KLF8: variants seen among roughly 807,000 people sequenced by gnomAD.
KLF8 encodes the protein KLF transcription factor 8.
KLF8 carries 10 observed loss-of-function variants against 18.2 expected under a neutral mutation model. The ratio of observed to expected loss-of-function variants is 0.55; its 90% confidence interval spans 0.34 to 0.93. The LOEUF is 0.93. Among genes scored for constraint, KLF8 ranks in the 40% least tolerant of loss-of-function variants. KLF8 has a pLI of 0.02. For synonymous variants in KLF8, 109 were observed against 97.3 expected (o/e 1.12, Z -0.71); for missense variants, 264 against 277.9 (o/e 0.95, Z 0.36).
At chrX:56,017,666 T>C in the KLF8 span, among the ~76,000 whole-genome samples, 1 of 111,782 alleles carries the variant, frequency 8.9e-6, no homozygotes, top group Non-Finnish European at 1.9e-5. Flanking sequence ...GATTGTGTCA[T>C]AATCTTAAGT....
intron 2 of KLF8, among the ~76,000 whole-genome samples, chrX:56,261,181 A>AT (rs1380022976): frequency 9.0e-6 from 1 of 111,477 alleles, no homozygotes; most frequent in African/African-American, 3.3e-5. Context: ...CTCTTTTTAT[A>AT]TTTTTTTGTC....
the KLF8 span, among the ~76,000 whole-genome samples, chrX:56,147,358 A>T: frequency 8.9e-6 from 1 of 112,157 alleles, no homozygotes; most frequent in African/African-American, 3.2e-5. Flanking sequence ...ATATTGTGGC[A>T]TCTTAAAAGG....
chrX:56,229,342 A>G (rs1173599647), upstream of KLF8, among the ~76,000 whole-genome samples: 1 of 112,208 alleles, frequency 8.9e-6, no homozygotes, highest in African/African-American at 3.2e-5. Context: ...ACTTGGATAT[A>G]TAGAGGAAAG....
the KLF8 span, among the ~76,000 whole-genome samples, chrX:55,968,331 A>G: frequency 8.9e-6 from 1 of 112,147 alleles, no homozygotes; most frequent in Non-Finnish European, 1.9e-5. Context: ...AAAAAATGCA[A>G]TAATTTGTTT....
the KLF8 span, among the ~76,000 whole-genome samples, chrX:56,076,262 G>A: frequency 1.0e-5 from 1 of 99,702 alleles, no homozygotes; most frequent in African/African-American, 3.8e-5. Flanking sequence ...CTAACATTAG[G>A]TATATCTCCC....
chrX:56,226,557 C>T, the KLF8 span, among the ~76,000 whole-genome samples: 2 of 111,930 alleles, frequency 1.8e-5, no homozygotes, highest in African/African-American at 6.5e-5. Context: ...TTGAGTCCTT[C>T]CTACACCAAC....
At chrX:56,241,952 G>A (rs2066550661) in intron 1 of KLF8, among the ~76,000 whole-genome samples, 1 of 112,098 alleles carries the variant, frequency 8.9e-6, no homozygotes, top group Non-Finnish European at 1.9e-5. Flanking sequence ...ATCTTGTGAG[G>A]TGAATGAGGA....
chrX:56,153,513 G>T, the KLF8 span, among the ~76,000 whole-genome samples: 2 of 111,570 alleles, frequency 1.8e-5, no homozygotes, highest in Non-Finnish European at 3.8e-5. Context: ...GCTTTAAAAA[G>T]ATATGTACTT....
At chrX:56,184,294 C>A in the KLF8 span, among the ~76,000 whole-genome samples, 1 of 112,389 alleles carries the variant, frequency 8.9e-6, no homozygotes, top group African/African-American at 3.2e-5. Flanking sequence ...TGAGATCAAA[C>A]TGCAAGGCGG....
chrX:56,207,087 C>G, the KLF8 span, among the ~76,000 whole-genome samples: 22 of 112,564 alleles, frequency 2.0e-4, no homozygotes, highest in Non-Finnish European at 3.6e-4. Context: ...CACAATGCAT[C>G]AAGTCCCGAG....
At chrX:55,915,937 T>A in the KLF8 span, among the ~76,000 whole-genome samples, 1 of 111,994 alleles carries the variant, frequency 8.9e-6, no homozygotes, top group Non-Finnish European at 1.9e-5. Flanking sequence ...TTGGCATATC[T>A]GCTTATTTCT....
chrX:55,953,419 G>C, the KLF8 span, among the ~76,000 whole-genome samples: 1 of 104,919 alleles, frequency 9.5e-6, no homozygotes, highest in Non-Finnish European at 2.0e-5. Context: ...CTGATCTACA[G>C]CTTCAACACA....
chrX:56,034,946 G>T, the KLF8 span, among the ~76,000 whole-genome samples: 2 of 107,261 alleles, frequency 1.9e-5, no homozygotes, highest in African/African-American at 6.8e-5. Flanking sequence ...TAGTAGAGAC[G>T]GGGTTTCACC....
the KLF8 span, among the ~76,000 whole-genome samples, chrX:56,183,900 G>A: frequency 9.0e-6 from 1 of 111,604 alleles, no homozygotes; most frequent in Non-Finnish European, 1.9e-5. Context: ...AGCCAAGATG[G>A]CCGAATAGGA....
the KLF8 span, among the ~76,000 whole-genome samples, chrX:55,948,942 G>T: frequency 8.9e-6 from 1 of 112,199 alleles, no homozygotes; most frequent in African/African-American, 3.2e-5. Flanking sequence ...TAATTATTCA[G>T]TTGTGGCAAT....
the KLF8 span, among the ~76,000 whole-genome samples, chrX:56,039,900 T>C: frequency 6.2e-5 from 7 of 112,015 alleles, no homozygotes; most frequent in Non-Finnish European, 9.4e-5. Context: ...TCTGATTTCT[T>C]TGAGCAGTGG....
rs778617482 is a variant in KLF8, at chrX:56,284,264, C to T, written c.899-49C>T. On this transcript the variant is annotated intron_variant, in intron 5 of 5. Coordinates refer to ENST00000468660, the MANE Select transcript of KLF8 (RefSeq NM_007250.5). ...TGTATTCTATTATCTTTCTAGTATC[C>T]GATCATCCTCTCTCTGATTCTCTTT... 5 of 946,728 alleles carry T rather than the reference C, an allele frequency of 5.3e-6. No individual in the cohort carries two copies. The East Asian group carries it at 1.1e-4, about 20-fold the overall frequency. 78.0% of individuals were successfully genotyped at this position (946,728 alleles called of 1,213,427 possible).
the KLF8 span, among the ~76,000 whole-genome samples, chrX:56,172,360 G>C: frequency 1.8e-5 from 2 of 110,966 alleles, no homozygotes; most frequent in African/African-American, 6.6e-5. Flanking sequence ...TGCACTGTTT[G>C]GTTTTTTGTC....
At chrX:55,940,294 A>G in the KLF8 span, among the ~76,000 whole-genome samples, 1 of 112,039 alleles carries the variant, frequency 8.9e-6, no homozygotes, top group Non-Finnish European at 1.9e-5. Context: ...TTATCTCCAT[A>G]GATGCAGAAA....
Sources: gnomAD v4.1 joint callset for allele counts (sites outside exome capture counted in the v4.1 genomes callset) on GRCh38, gnomAD v4.1.1 for gene constraint, MANE v1.5 for transcripts, NCBI Gene and HGNC (gene_info 2026-07-23, HGNC 2026-07-21) for gene names.